Variants in PTPRZ1 observed in about 807,000 individuals in gnomAD.
PTPRZ1 encodes the protein receptor-type tyrosine-protein phosphatase zeta.
In PTPRZ1, 82 loss-of-function variants were observed where a neutral mutation model predicts 214.1. The observed-to-expected ratio is 0.38, with a 90% CI of 0.32 to 0.46. The LOEUF is 0.46. PTPRZ1 is among the 20% of genes least tolerant of loss of function. The pLI is 1.00. For synonymous variants in PTPRZ1, 945 were observed against 987.9 expected (o/e 0.96, Z 0.81); for missense variants, 2,603 against 2,748.7 (o/e 0.95, Z 1.19).
At chr7:121,983,575 A>G (rs1797679808) in intron 6 of PTPRZ1, 90 bp from the exon 7 acceptor site, 2 of 1,233,396 alleles carry the variant, frequency 1.6e-6, no homozygotes, top group Admixed American at 2.3e-5. Flanking sequence ...TAAATACATA[A>G]CAAAGCATGT....
At chr7:121,948,760 A>ATTT (rs34313086) in intron 2 of PTPRZ1, among the ~76,000 whole-genome samples, 12 of 144,534 alleles carry the variant, frequency 8.3e-5, no homozygotes, top group South Asian at 2.2e-4. Flanking sequence ...CATACAATCC[A>ATTT]TTTTTTTTTT....
Position 122,010,365 on chromosome 7 carries a change from G to A in PTPRZ1, c.1319G>A (p.Gly440Asp), listed in dbSNP as rs138635783. The A allele has an allele frequency of 5.0e-5, 80 of 1,612,044 alleles. No homozygotes were observed. In the African/African-American group the frequency reaches 7.9e-4, roughly 16 times the overall value. ...EEEEGKDIEE[G>D]AIVNPGRDSA... ...GAAGAGGGAAAAGACATTGAAGAAG[G>A]CGCTATTGTGAATCCTGGTAGAGAC... Residue 440 changes from glycine to aspartate, a missense_variant, in exon 12 of 30, where the codon GGC (glycine) becomes GAC (aspartate). Transcript: ENST00000393386.
Position 122,061,131 on chromosome 7 carries a change from C to G in PTPRZ1, c.6859C>G (p.Gln2287Glu). 1 of 1,609,802 alleles carries G rather than the reference C, an allele frequency of 6.2e-7. No homozygotes were observed. The highest frequency in any genetic ancestry group is 8.5e-7 in the Non-Finnish European group (1 of 1,177,106). Residue 2287 changes from glutamine (Q) to glutamate (E), a missense_variant, in exon 30 of 30, where the codon CAG becomes GAG. Around this residue, in one of 6 missense-constraint regions of PTPRZ1, gnomAD observed 165 missense variants for 151.4 expected, o/e 1.09. Coordinates refer to ENST00000393386, the MANE Select transcript of PTPRZ1 (RefSeq NM_002851.3). ...KVILSLVSTRQEENPSTSLDS... is the reference protein window; with the variant it reads ...KVILSLVSTREEENPSTSLDS... The stretch of plus-strand genomic sequence containing the variant: ...GATCCTCAGCCTTGTGAGCACAAGG[C>G]AGGAAGAGAATCCATCCACCTCTCT...
chr7:121,956,111 T>G (rs1469546540), intron 2 of PTPRZ1, among the ~76,000 whole-genome samples: 1 of 152,078 alleles, frequency 6.6e-6, no homozygotes, highest in Non-Finnish European at 1.5e-5. Flanking sequence ...TACATCCTAC[T>G]CACACTCGTC....
chr7:122,019,440 G>T (rs550648043), intron 13 of PTPRZ1, among the ~76,000 whole-genome samples, 172 bp downstream of exon 13: 1 of 152,228 alleles, frequency 6.6e-6, no homozygotes, highest in African/African-American at 2.4e-5. Context: ...GGAGTTAATT[G>T]TTCTTCATAC....
At chr7:121,887,493 G>A (rs568131502) in intron 1 of PTPRZ1, among the ~76,000 whole-genome samples, 1 of 152,076 alleles carries the variant, frequency 6.6e-6, no homozygotes, top group African/African-American at 2.4e-5. Flanking sequence ...CAGAAAGTAG[G>A]TCAATCAAAT....
chr7:121,912,122 T>C (rs1795297177), intron 1 of PTPRZ1, among the ~76,000 whole-genome samples: 1 of 152,166 alleles, frequency 6.6e-6, no homozygotes, highest in African/African-American at 2.4e-5. Context: ...CAGGAAGTAT[T>C]AGATAAATTC....
Position 121,998,002 on chromosome 7 carries a change from T to A in PTPRZ1, c.1236T>A (p.Asn412Lys). ...DQLIVDMPTDNPELDLFPELI... is the reference protein window; with the variant it reads ...DQLIVDMPTDKPELDLFPELI... ...TGATTGTCGACATGCCTACTGATAA[T>A]CCTGGTAAGTGCCACCAGATACATC... Residue 412 changes from asparagine (N) to lysine (K), a missense_variant, in exon 10 of 30, where the codon AAT becomes AAA. This residue lies in a region of PTPRZ1 where 244 missense variants were observed against 333.2 expected (regional missense o/e 0.73). Transcript: ENST00000393386. The A allele has an allele frequency of 2.5e-6, 4 of 1,612,484 alleles. No homozygotes were observed. Among genetic ancestry groups the A allele is most frequent in the Non-Finnish European group, 3.4e-6 (4 of 1,179,440 alleles).
chr7:121,941,182 C>T (rs543771585), intron 2 of PTPRZ1, among the ~76,000 whole-genome samples: 1 of 152,296 alleles, frequency 6.6e-6, no homozygotes, highest in South Asian at 2.1e-4. Context: ...ATGGACAAAG[C>T]TACGTGGATT....
At chr7:121,886,109 C>T (rs973796099) in intron 1 of PTPRZ1, among the ~76,000 whole-genome samples, 10 of 151,950 alleles carry the variant, frequency 6.6e-5, no homozygotes, top group East Asian at 1.9e-4. Flanking sequence ...TGGGTGATTG[C>T]GCTACTGGGG....
chr7:121,903,966 TCACACACACA>T (rs57176542), intron 1 of PTPRZ1, among the ~76,000 whole-genome samples: 4 of 123,846 alleles, frequency 3.2e-5, no homozygotes, highest in African/African-American at 1.2e-4. Context: ...TCTTTAAATC[TCACACACACA>T]CACACACACA....
intron 2 of PTPRZ1, among the ~76,000 whole-genome samples, chr7:121,955,624 G>T (rs1431864047): frequency 1.3e-5 from 2 of 152,212 alleles, no homozygotes; most frequent in African/African-American, 4.8e-5. Flanking sequence ...AAGAGCTACA[G>T]AAAAGTCCTG....
intron 13 of PTPRZ1, among the ~76,000 whole-genome samples, chr7:122,020,308 G>A (rs1475784801): frequency 6.6e-6 from 1 of 152,066 alleles, no homozygotes; most frequent in East Asian, 1.9e-4. Context: ...TTATTGAGGG[G>A]GAAGAATTTG....
chr7:122,056,490 A>G (rs1032030384), intron 27 of PTPRZ1, among the ~76,000 whole-genome samples: 4 of 151,994 alleles, frequency 2.6e-5, no homozygotes, highest in African/African-American at 9.6e-5. Context: ...CAGTTTCATT[A>G]ACTTCAGACA....
rs1341343393 is a variant in PTPRZ1, at chr7:121,873,216, T to A, written c.-284T>A. On this transcript the variant is annotated 5_prime_UTR_variant, in exon 1 of 30. It removes an upstream start codon present in the reference 5' UTR. Coordinates refer to ENST00000393386, the MANE Select transcript of PTPRZ1 (RefSeq NM_002851.3). ...GCAAAGTCCCGCACGCCGGAGGACA[T>A]GCGCCTCGGCTAGCGGCCCCGGGCC... The A allele has an allele frequency of 2.3e-6, 1 of 426,574 alleles. No individual in the cohort carries two copies. Among genetic ancestry groups the A allele is most frequent in the Non-Finnish European group, 4.1e-6 (1 of 242,080 alleles). The allele number at this position is 426,574 out of a possible 1,614,324, so 26.4% of individuals were successfully genotyped here. A position where few individuals can be genotyped will look rare whatever the true frequency, so the allele number is the denominator to read the frequency against.
intron 1 of PTPRZ1, among the ~76,000 whole-genome samples, chr7:121,885,015 T>A (rs976526210): frequency 1.3e-5 from 2 of 152,180 alleles, no homozygotes; most frequent in African/African-American, 4.8e-5. Context: ...ACAATAAGCC[T>A]GTATTACTCA....
At chr7:121,925,056 G>C (rs1057330285) in intron 1 of PTPRZ1, among the ~76,000 whole-genome samples, 1 of 152,190 alleles carries the variant, frequency 6.6e-6, no homozygotes, top group Non-Finnish European at 1.5e-5. Context: ...CTTAGGAATC[G>C]TTGATATTGA....
chr7:122,055,574 T>A (rs536707081), intron 27 of PTPRZ1, among the ~76,000 whole-genome samples: 1 of 151,994 alleles, frequency 6.6e-6, no homozygotes, highest in East Asian at 1.9e-4. Context: ...TGAAGTGCTT[T>A]GAAAACACAC....
chr7:121,942,564 G>A (rs1796263870), intron 2 of PTPRZ1, among the ~76,000 whole-genome samples: 1 of 152,138 alleles, frequency 6.6e-6, no homozygotes, highest in Non-Finnish European at 1.5e-5. Flanking sequence ...TTTCATTTAT[G>A]GTGATTGCTT....
Sources: gnomAD v4.1 joint callset for allele counts (sites outside exome capture counted in the v4.1 genomes callset) on GRCh38, gnomAD v4.1.1 for gene constraint, gnomAD v4.1.1 regional missense constraint, MANE v1.5 for transcripts, NCBI Gene and HGNC (gene_info 2026-07-23, HGNC 2026-07-21) for gene names.